Variants in NMD3 observed in about 807,000 individuals in gnomAD.
NMD3 encodes the protein 60S ribosomal export protein NMD3.
A neutral mutation model predicts 73.1 loss-of-function variants in NMD3; 47 were observed. The observed-to-expected ratio is 0.64, with a 90% CI of 0.51 to 0.82. NMD3 has a LOEUF of 0.82. Among genes scored for constraint, NMD3 ranks in the 40% least tolerant of loss-of-function variants. The probability of loss-of-function intolerance (pLI) is 0.00; values close to 1 mark genes in which losing one functional copy is unlikely to be tolerated. For missense variants in NMD3, 554 were observed against 612.5 expected (o/e 0.90, Z 1.01); for synonymous variants, 210 against 194.5 (o/e 1.08, Z -0.66).
rs777165618 is a variant in NMD3, at chr3:161,233,478, A to C, written c.356A>C (p.Glu119Ala). Residue 119 changes from glutamate (E) to alanine (A), a missense_variant and splice_region_variant, in exon 5 of 16, where the codon GAG becomes GCG. Physicochemically the swap from Glu to Ala is moderately radical, Grantham distance 107. Coordinates refer to ENST00000351193, the MANE Select transcript of NMD3 (RefSeq NM_015938.5). ...AAAGTTAAACTGACTATTCAGAAAG[A>C]GGTAAGCAGTACATAATTTTCTCAG... ...RLKVKLTIQK[E>A]VMNGAILQQV... The C allele has an allele frequency of 3.8e-6, 6 of 1,587,712 alleles. No individual in the cohort carries two copies. Among genetic ancestry groups the C allele is most frequent in the South Asian group, 2.3e-5 (2 of 88,384 alleles).
chr3:161,242,565 C>G lies in NMD3; in HGVS notation c.929C>G (p.Pro310Arg), dbSNP rs1371150205. ...CACCCTTTCAATAGTTTATGTCATC[C>G]CAAACAGCTAGAGGAGTTTATTGTG... ...WSHPFNSLCH[P>R]KQLEEFIVME... Residue 310 changes from proline to arginine, a missense_variant, in exon 11 of 16, where the codon CCC (proline) becomes CGC (arginine). By Grantham distance (103) the Pro-to-Arg change is moderately radical (BLOSUM62 -2). Transcript: ENST00000351193. The G allele has an allele frequency of 4.3e-6, 7 of 1,613,346 alleles. No homozygotes were observed. The highest frequency in any genetic ancestry group is 5.1e-6 in the Non-Finnish European group (6 of 1,179,488).
In NMD3 at chr3:161,246,746, T is replaced by C. The variant is rs539508219; in HGVS notation, c.1130+298T>C. On this transcript the variant is annotated intron_variant, in intron 12 of 15. Coordinates refer to ENST00000351193, the MANE Select transcript of NMD3 (RefSeq NM_015938.5). ...AACTGCTTTTGCAGATTGGGTCTTT[T>C]TTATTGTGCAGTTGCTACTGCTCAG... 2.0e-5 allele frequency among the ~76,000 whole-genome samples: 3 copies of C among 152,318 alleles called. No homozygotes were observed. In the East Asian group the frequency reaches 5.8e-4, roughly 29 times the overall value.
chr3:161,222,264 A>C (rs1406253389), intron 2 of NMD3, among the ~76,000 whole-genome samples: 1 of 152,194 alleles, frequency 6.6e-6, no homozygotes, highest in Non-Finnish European at 1.5e-5. Context: ...AAGAGGGTTA[A>C]AATATTTACC....
At chr3:161,237,687 G>A (rs899568480) in intron 7 of NMD3, among the ~76,000 whole-genome samples, 1 of 151,796 alleles carries the variant, frequency 6.6e-6, no homozygotes. Context: ...TTTGGCACAT[G>A]CCACCACGTC....
downstream of NMD3, chr3:161,252,706 A>C: frequency 1.6e-6 from 1 of 606,622 alleles, no homozygotes; most frequent in Non-Finnish European, 3.0e-6. Flanking sequence ...ATGCACAAGA[A>C]CATGATTTAT....
At chr3:161,233,554 T>C (rs1414267275) in intron 5 of NMD3, 75 bp downstream of exon 5, 22 of 875,636 alleles carry the variant, frequency 2.5e-5, no homozygotes, top group Non-Finnish European at 3.7e-5. Flanking sequence ...TAAGTTATTT[T>C]ATGGCTTGAA....
chr3:161,228,127 T>C (rs887413641), intron 4 of NMD3, among the ~76,000 whole-genome samples: 11 of 152,210 alleles, frequency 7.2e-5, no homozygotes, highest in Admixed American at 5.9e-4. Flanking sequence ...TGATTGACAC[T>C]ATGAGTTTTC....
At chr3:161,234,692 A>G (rs1413614322) in intron 5 of NMD3, 35 bp from the exon 6 acceptor site, 3 of 1,554,658 alleles carry the variant, frequency 1.9e-6, no homozygotes, top group African/African-American at 2.7e-5. Context: ...ATTAAACAAA[A>G]CCAAAAGAAT....
chr3:161,238,988 T>TTAAGCC (rs1245443012), intron 9 of NMD3, among the ~76,000 whole-genome samples, 162 bp downstream of exon 9: 8 of 152,196 alleles, frequency 5.3e-5, no homozygotes, highest in Admixed American at 5.2e-4. Flanking sequence ...AAAAGATATA[T>TTAAGCC]ATTTTTAAAA....
intron 10 of NMD3, among the ~76,000 whole-genome samples, chr3:161,242,229 G>A (rs1429871668): frequency 3.3e-5 from 5 of 152,090 alleles, no homozygotes; most frequent in Non-Finnish European, 7.4e-5. Flanking sequence ...CTGTACCACT[G>A]ATTGGCTCTG....
intron 2 of NMD3, 85 bp downstream of exon 2, chr3:161,222,142 T>C: frequency 9.2e-7 from 1 of 1,089,992 alleles, no homozygotes; most frequent in Non-Finnish European, 1.4e-6. Flanking sequence ...CGCTTGAGGG[T>C]GGGTGGGAAA....
At position 161,235,438 on chromosome 3, in the gene NMD3, G is replaced by A. The variant is rs866820317; in HGVS notation, c.577+226G>A. The A allele has an allele frequency of 7.0e-5, 21 of 299,068 alleles. No homozygotes were observed. In the South Asian group the frequency reaches 2.4e-3, roughly 34 times the overall value. 18.5% of individuals were successfully genotyped at this position (299,068 alleles called of 1,614,324 possible). A position where few individuals can be genotyped will look rare whatever the true frequency, so the allele number is the denominator to read the frequency against. On this transcript the variant is annotated intron_variant, in intron 7 of 15. Transcript: ENST00000351193. ...CTTGAAATGTGGCTAGAGCAACTGA[G>A]AAACTGAATTTTTAATTTTCTGCTA...
intron 13 of NMD3, among the ~76,000 whole-genome samples, chr3:161,248,257 A>G (rs946208272): frequency 2.6e-4 from 39 of 151,244 alleles, no homozygotes; most frequent in African/African-American, 9.0e-4. Flanking sequence ...TGGGAGGCTG[A>G]GGTGGGTGGA....
At chr3:161,246,017 A>G (rs567696942) in intron 11 of NMD3, among the ~76,000 whole-genome samples, 15 of 152,232 alleles carry the variant, frequency 9.9e-5, no homozygotes, top group Middle Eastern at 3.4e-3. Flanking sequence ...ATGTTGGCCC[A>G]TCTTCCTGTG....
At chr3:161,235,397 A>G in intron 7 of NMD3, 185 bp downstream of exon 7, 1 of 353,678 alleles carries the variant, frequency 2.8e-6, no homozygotes, top group East Asian at 4.3e-5. Flanking sequence ...CACTAGCCAC[A>G]TTTGGCTGTT....
intron 4 of NMD3, among the ~76,000 whole-genome samples, chr3:161,228,936 G>T (rs767469652): frequency 2.0e-5 from 3 of 152,152 alleles, no homozygotes; most frequent in Non-Finnish European, 4.4e-5. Context: ...TAAAGTAAGG[G>T]TGTTTAGGGG....
intron 1 of NMD3, 36 bp from the exon 2 acceptor site, chr3:161,221,958 C>CTTTTTTTT (rs376329329): frequency 1.4e-5 from 12 of 868,866 alleles, no homozygotes; most frequent in African/African-American, 8.5e-5. Flanking sequence ...CCAACATTCT[C>CTTTTTTTT]TTTTTTTTTT....
At chr3:161,233,310 GA>G (rs1271955191) in intron 4 of NMD3, 88 bp from the exon 5 acceptor site, 3 of 814,172 alleles carry the variant, frequency 3.7e-6, no homozygotes, top group Non-Finnish European at 6.1e-6. Context: ...AGCATCTTAT[GA>G]AATCTGCTTA....
At chr3:161,249,008 A>C (rs955243658) in intron 13 of NMD3, among the ~76,000 whole-genome samples, 1 of 152,218 alleles carries the variant, frequency 6.6e-6, no homozygotes, top group East Asian at 1.9e-4. Flanking sequence ...AATTATTTTC[A>C]TTCTATAATT....
Sources: gnomAD v4.1 joint callset for allele counts (sites outside exome capture counted in the v4.1 genomes callset) on GRCh38, gnomAD v4.1.1 for gene constraint, MANE v1.5 for transcripts, NCBI Gene and HGNC (gene_info 2026-07-23, HGNC 2026-07-21) for gene names.